The following PRAG1 variants were observed in gnomAD, a reference collection of about 807,000 sequenced individuals.
PRAG1 encodes inactive tyrosine-protein kinase PRAG1.
PRAG1 carries 110 observed loss-of-function variants against 95.6 expected under a neutral mutation model. The ratio of observed to expected loss-of-function variants is 1.15; its 90% CI spans 0.99 to 1.35. The LOEUF is 1.35. Among genes scored for constraint, PRAG1 ranks in the 40% most tolerant of loss-of-function variants. PRAG1 has a pLI of 0.00. For synonymous variants in PRAG1, 1,052 were observed against 819.4 expected, an observed-to-expected ratio of 1.28 and a Z score of -4.85; for missense variants, 2,554 against 1,864.7, an observed-to-expected ratio of 1.37 and a Z score of -6.81.
intron 5 of PRAG1, among the ~76,000 whole-genome samples, chr8:8,322,070 A>G (rs55704809): frequency 0.14 from 21,356 of 152,254 alleles, 1,839 homozygotes; most frequent in African/African-American, 0.23. Flanking sequence ...TATCTAACAC[A>G]TATGTTTTTA....
Position 8,318,546 on chromosome 8 carries a change from G to C in PRAG1, c.3829C>G (p.Leu1277Val). 1 of 1,613,592 alleles carries C rather than the reference G, an allele frequency of 6.2e-7. No homozygotes were observed. The highest frequency in any genetic ancestry group is 8.5e-7 in the Non-Finnish European group (1 of 1,179,956). Reference protein sequence around the residue: ...QPNPFEVRAQLRERDYRQEDL... With the variant: ...QPNPFEVRAQVRERDYRQEDL... ...TCCTGCCGGTAGTCTCTCTCCCGCA[G>C]CTGGGCGCGCACCTCGAACGGGTTG... The change falls in exon 6 of 6, where the codon CTG becomes GTG. Residue 1277 changes from leucine to valine, a missense_variant. Transcript: ENST00000615670. The surrounding 1 kb of genome is among the most constrained non-coding windows in gnomAD (Gnocchi z 4.2).
chr8:8,365,638 T>C (rs1435384680), intron 3 of PRAG1, among the ~76,000 whole-genome samples: 1 of 149,840 alleles, frequency 6.7e-6, no homozygotes. Context: ...AATAAATAAA[T>C]AAATAAATAT....
chr8:8,354,260 G>C (rs1015322298), intron 3 of PRAG1, among the ~76,000 whole-genome samples: 3 of 151,974 alleles, frequency 2.0e-5, no homozygotes, highest in Non-Finnish European at 4.4e-5. Flanking sequence ...AACAAATAAA[G>C]AGATTGAAGA....
intron 3 of PRAG1, 116 bp from the exon 4 acceptor site, chr8:8,339,751 AT>A: frequency 2.0e-6 from 2 of 1,009,210 alleles, no homozygotes; most frequent in African/African-American, 1.7e-5. Flanking sequence ...CAGCAAGTTT[AT>A]TAAAAGAAAA....
At chr8:8,356,977 A>G (rs1300325098) in intron 3 of PRAG1, among the ~76,000 whole-genome samples, 2 of 152,234 alleles carry the variant, frequency 1.3e-5, no homozygotes, top group African/African-American at 4.8e-5. Context: ...GTGAATATCC[A>G]CATGCAAAAA....
chr8:8,346,564 A>G (rs546497484), intron 3 of PRAG1, among the ~76,000 whole-genome samples: 1 of 152,194 alleles, frequency 6.6e-6, no homozygotes, highest in Non-Finnish European at 1.5e-5. Context: ...GTTGGTGGAA[A>G]GCTGGAAAAA....
At chr8:8,369,118 T>A (rs1800108552) in intron 3 of PRAG1, among the ~76,000 whole-genome samples, 1 of 152,128 alleles carries the variant, frequency 6.6e-6, no homozygotes, top group Non-Finnish European at 1.5e-5. Flanking sequence ...CGAGAATAGT[T>A]GCAGAATCAT....
intron 4 of PRAG1, 56 bp downstream of exon 4, chr8:8,339,422 C>A: frequency 6.3e-7 from 1 of 1,581,752 alleles, no homozygotes; most frequent in Non-Finnish European, 8.7e-7. Flanking sequence ...CAACGCAGGA[C>A]TGGTCTTGAA....
At chr8:8,357,212 G>A (rs1799709731) in intron 3 of PRAG1, among the ~76,000 whole-genome samples, 1 of 152,174 alleles carries the variant, frequency 6.6e-6, no homozygotes, top group Non-Finnish European at 1.5e-5. Context: ...AACATGTTGT[G>A]CATCAAAGGA....
chr8:8,349,733 T>C (rs1316599175), intron 3 of PRAG1, among the ~76,000 whole-genome samples: 5 of 152,140 alleles, frequency 3.3e-5, no homozygotes, highest in East Asian at 1.9e-4. Context: ...TGCATAAATA[T>C]AGGAAATCAG....
rs1042246677 is a variant in PRAG1, at chr8:8,365,350, A to G, written c.2162+10897T>C. ...CTGAAAATCAATACAACGGCTGGAC[A>G]TGGTGGCTCACACCTGTAATCCCAA... On this transcript the variant is annotated intron_variant, in intron 3 of 5. Transcript: ENST00000615670. Among the ~76,000 whole-genome samples, 22 of 152,312 alleles carry G rather than the reference A, an allele frequency of 1.4e-4. No homozygotes were observed. The South Asian group carries it at 2.7e-3, about 19-fold the overall frequency.
chr8:8,378,257 G>C (rs1180975568), intron 2 of PRAG1, among the ~76,000 whole-genome samples, 179 bp from the exon 3 acceptor site: 1 of 152,196 alleles, frequency 6.6e-6, no homozygotes, highest in African/African-American at 2.4e-5. Flanking sequence ...ACGGCCCTGT[G>C]ATCATTGCTG....
Position 8,319,110 on chromosome 8 carries a change from C to G in PRAG1, c.3265G>C (p.Val1089Leu), listed in dbSNP as rs1398234836. The change falls in exon 6 of 6, where the codon GTG (valine) becomes CTG (leucine). Residue 1089 changes from valine to leucine, a missense_variant. Physicochemically the swap from Val to Leu is conservative, Grantham distance 32 (BLOSUM62 1). Coordinates refer to ENST00000615670, the MANE Select transcript of PRAG1 (RefSeq NM_001080826.3). ...TGTGGCACCTCTCGGGTGATGACCA[C>G]CACGCAGTCCTGCTCCTGGGCAGGG... ...HPPAQEQDCV[V>L]VITREVPHQT... 1.2e-6 allele frequency: 2 copies of G among 1,608,910 alleles called. No homozygotes were observed. The highest frequency in any genetic ancestry group is 2.2e-5 in the East Asian group (1 of 44,804).
chr8:8,322,806 T>G (rs184161135), intron 5 of PRAG1, among the ~76,000 whole-genome samples: 1 of 152,260 alleles, frequency 6.6e-6, no homozygotes, highest in East Asian at 1.9e-4. Context: ...AATCTTTGAA[T>G]CCACCGACGA....
chr8:8,331,562 T>A (rs1004610569), intron 4 of PRAG1, among the ~76,000 whole-genome samples: 3 of 152,204 alleles, frequency 2.0e-5, no homozygotes, highest in African/African-American at 7.2e-5. Flanking sequence ...TTATCTCGGT[T>A]CAATTGTTCT....
At chr8:8,373,499 G>C (rs1415097276) in intron 3 of PRAG1, among the ~76,000 whole-genome samples, 3 of 144,438 alleles carry the variant, frequency 2.1e-5, no homozygotes, top group African/African-American at 5.4e-5. Context: ...GCTCAGGCAG[G>C]AGTACAGTGG....
At chr8:8,373,378 T>C (rs1800276768) in intron 3 of PRAG1, among the ~76,000 whole-genome samples, 1 of 152,152 alleles carries the variant, frequency 6.6e-6, no homozygotes, top group Non-Finnish European at 1.5e-5. Flanking sequence ...CAAATGAAAA[T>C]ATATTCTAGT....
intron 2 of PRAG1, among the ~76,000 whole-genome samples, chr8:8,378,828 C>T (rs1800530163): frequency 6.6e-6 from 1 of 151,490 alleles, no homozygotes; most frequent in Non-Finnish European, 1.5e-5. Flanking sequence ...CCACCACACT[C>T]CAGCCTGGGC....
chr8:8,374,687 G>A (rs1010563062), intron 3 of PRAG1: 31 of 985,232 alleles, frequency 3.1e-5, no homozygotes, highest in Middle Eastern at 5.2e-4. Context: ...GGGACTACAC[G>A]CGGCTGCCAA....
Sources: allele counts gnomAD v4.1 joint callset (sites outside exome capture counted in the v4.1 genomes callset), GRCh38; gene constraint gnomAD v4.1.1; non-coding constraint Gnocchi (gnomAD v3.1); transcripts MANE v1.5; gene names NCBI Gene and HGNC (gene_info 2026-07-23, HGNC 2026-07-21).